RGS5: variants seen among roughly 807,000 people sequenced by gnomAD.
RGS5 encodes the protein regulator of G-protein signalling 5.
Under a neutral mutation model 18.9 loss-of-function variants are expected in RGS5, and 20 were observed. That is an observed-to-expected ratio of 1.06 (90% CI 0.74 to 1.54). RGS5 has a LOEUF of 1.54. Among genes scored for constraint, RGS5 ranks in the 40% most tolerant of loss-of-function variants. RGS5 has a pLI of 0.00. For missense variants in RGS5, 201 were observed against 211.8 expected (o/e 0.95, Z 0.32); for synonymous variants, 57 against 76.2 (o/e 0.75, Z 1.31).
At chr1:163,176,204 C>A (rs1281152253) in intron 1 of RGS5, among the ~76,000 whole-genome samples, 2 of 152,184 alleles carry the variant, frequency 1.3e-5, no homozygotes, top group Non-Finnish European at 2.9e-5. Context: ...CCTCAGCTAC[C>A]CCAGGTTAGC....
chr1:163,256,776 G>A (rs1648283005), intron 2 of RGS5, among the ~76,000 whole-genome samples: 1 of 152,170 alleles, frequency 6.6e-6, no homozygotes, highest in South Asian at 2.1e-4. Flanking sequence ...GGAGGAGAGA[G>A]AGGCAGAAAG....
intron 2 of RGS5, among the ~76,000 whole-genome samples, chr1:163,301,198 C>T (rs533509727): frequency 6.6e-6 from 1 of 152,292 alleles, no homozygotes; most frequent in East Asian, 1.9e-4. Context: ...GATAACTGTT[C>T]CTCTAGGTGC....
chr1:163,321,276 C>G (rs531302443), intron 1 of RGS5: 1 of 152,328 alleles, frequency 6.6e-6, no homozygotes, highest in South Asian at 2.1e-4. Flanking sequence ...TGTATAACTT[C>G]TAACAAATCA....
intron 2 of RGS5, among the ~76,000 whole-genome samples, chr1:163,289,040 A>G (rs1265384818): frequency 6.6e-6 from 1 of 152,078 alleles, no homozygotes; most frequent in Non-Finnish European, 1.5e-5. Context: ...TTACTTCCTA[A>G]GCAGTCACCT....
chr1:163,187,988 C>T (rs551864529), intron 1 of RGS5, among the ~76,000 whole-genome samples: 1 of 152,080 alleles, frequency 6.6e-6, no homozygotes, highest in East Asian at 1.9e-4. Context: ...CAGCTGGTGT[C>T]CACTGCTTGG....
At chr1:163,277,033 A>T (rs1332181475) in intron 2 of RGS5, among the ~76,000 whole-genome samples, 1 of 152,126 alleles carries the variant, frequency 6.6e-6, no homozygotes, top group Non-Finnish European at 1.5e-5. Context: ...GATAAGAAAC[A>T]TTTACAATCT....
At chr1:163,247,367 C>T (rs1647969657) in intron 2 of RGS5, among the ~76,000 whole-genome samples, 1 of 152,076 alleles carries the variant, frequency 6.6e-6, no homozygotes, top group Admixed American at 6.6e-5. Context: ...TGGTGCCATT[C>T]TTAGGCTGTA....
intron 1 of RGS5, among the ~76,000 whole-genome samples, chr1:163,213,735 GATCACA>G (rs1660156894): frequency 6.6e-6 from 1 of 152,228 alleles, no homozygotes; most frequent in South Asian, 2.1e-4. Context: ...TCAACTGCAG[GATCACA>G]ATCTTCCATT....
intron 1 of RGS5, among the ~76,000 whole-genome samples, chr1:163,209,198 A>G (rs896414080): frequency 6.6e-6 from 1 of 152,244 alleles, no homozygotes; most frequent in Admixed American, 6.5e-5. Flanking sequence ...AAGAAGAAAT[A>G]CAAATTGAAA....
chr1:163,159,564 T>A (rs1657718593), intron 3 of RGS5, among the ~76,000 whole-genome samples: 1 of 152,196 alleles, frequency 6.6e-6, no homozygotes, highest in Admixed American at 6.5e-5. Flanking sequence ...CTTGCCTTTG[T>A]TTCTGTGAGG....
chr1:163,314,061 A>G (rs1169433436), intron 1 of RGS5, among the ~76,000 whole-genome samples: 2 of 151,878 alleles, frequency 1.3e-5, no homozygotes, highest in Non-Finnish European at 1.5e-5. Flanking sequence ...AAGAGAAACT[A>G]CTTCATGCAG....
chr1:163,239,501 A>AT (rs1439535488), intron 2 of RGS5, among the ~76,000 whole-genome samples: 2 of 151,876 alleles, frequency 1.3e-5, no homozygotes, highest in East Asian at 3.9e-4. Flanking sequence ...AAAAAAAAAA[A>AT]AAGGGTTACC....
intron 2 of RGS5, among the ~76,000 whole-genome samples, chr1:163,270,296 G>A (rs972831582): frequency 1.4e-5 from 2 of 146,906 alleles, no homozygotes; most frequent in African/African-American, 5.0e-5. Flanking sequence ...AGGCTCGCTT[G>A]AGCCCAAGAG....
intron 2 of RGS5, among the ~76,000 whole-genome samples, chr1:163,265,974 CT>C (rs1365556852): frequency 6.6e-6 from 1 of 152,128 alleles, no homozygotes; most frequent in Non-Finnish European, 1.5e-5. Flanking sequence ...GCAGATTACA[CT>C]TTCAGCCTAT....
At chr1:163,180,962 G>A (rs1237531734) in intron 1 of RGS5, among the ~76,000 whole-genome samples, 1 of 152,054 alleles carries the variant, frequency 6.6e-6, no homozygotes, top group East Asian at 1.9e-4. Flanking sequence ...CCAAAGTGCT[G>A]GTATTACAGG....
In RGS5 at chr1:163,152,674, C is replaced by G. The variant is rs201830771; in HGVS notation, c.260G>C (p.Ser87Thr). ...AATCCAGAACTCAAGGTTTTCCTCA[C>G]TGAATTCAGACTTCAGGAAACTTTT... Reference protein sequence around the residue: ...SFKSFLKSEFSEENLEFWIAC... With the variant: ...SFKSFLKSEFTEENLEFWIAC... The change falls in exon 4 of 5, where the codon AGT becomes ACT. Residue 87 changes from serine (S) to threonine (T), a missense_variant. Physicochemically the swap from Ser to Thr is moderately conservative, Grantham distance 58. Coordinates refer to ENST00000313961, the MANE Select transcript of RGS5 (RefSeq NM_003617.4). The G allele has an allele frequency of 3.5e-4, 570 of 1,609,530 alleles. No homozygotes were observed. The highest frequency in any genetic ancestry group is 4.6e-4 in the Non-Finnish European group (544 of 1,177,962).
chr1:163,229,843 G>A (rs1647433501), intron 2 of RGS5, among the ~76,000 whole-genome samples: 1 of 152,110 alleles, frequency 6.6e-6, no homozygotes, highest in Non-Finnish European at 1.5e-5. Context: ...CTAACATTTG[G>A]GTTCCCTAAG....
At chr1:163,254,690 G>A (rs2101700903) in intron 2 of RGS5, among the ~76,000 whole-genome samples, 1 of 152,274 alleles carries the variant, frequency 6.6e-6, no homozygotes, top group African/African-American at 2.4e-5. Context: ...TGTTGCCATT[G>A]CTTTTGGTGT....
At chr1:163,197,373 C>A (rs768577459) in intron 1 of RGS5, among the ~76,000 whole-genome samples, 3 of 152,164 alleles carry the variant, frequency 2.0e-5, no homozygotes, top group African/African-American at 7.2e-5. Flanking sequence ...ATCCGTATAA[C>A]CTTGTAAATT....
Sources: allele counts gnomAD v4.1 joint callset (sites outside exome capture counted in the v4.1 genomes callset), GRCh38; gene constraint gnomAD v4.1.1; transcripts MANE v1.5; gene names NCBI Gene and HGNC (gene_info 2026-07-23, HGNC 2026-07-21).